The following LOC128462377 variants were observed in gnomAD, a reference collection of about 807,000 sequenced individuals.
chr16:89,356,791 A>G, the LOC128462377 span, among the ~76,000 whole-genome samples: 2 of 150,728 alleles, frequency 1.3e-5, no homozygotes, highest in African/African-American at 4.9e-5. Flanking sequence ...AAAAAAAAAA[A>G]AAAAGAAAAA....
chr16:89,353,459 G>A, the LOC128462377 span, among the ~76,000 whole-genome samples: 3 of 152,128 alleles, frequency 2.0e-5, no homozygotes, highest in African/African-American at 7.2e-5. Flanking sequence ...ACCAGTCCAA[G>A]GCAACTACAA....
the LOC128462377 span, among the ~76,000 whole-genome samples, chr16:89,318,842 G>C: frequency 1.3e-5 from 2 of 152,218 alleles, no homozygotes; most frequent in Non-Finnish European, 2.9e-5. Context: ...ACCTCCACCC[G>C]CGGTGCAGGT....
At chr16:89,333,523 C>T in the LOC128462377 span, among the ~76,000 whole-genome samples, 1 of 152,250 alleles carries the variant, frequency 6.6e-6, no homozygotes, top group Admixed American at 6.5e-5. Flanking sequence ...CACAACCCTC[C>T]GTCCCTCCCT....
the LOC128462377 span, chr16:89,323,390 G>A: frequency 8.0e-7 from 1 of 1,247,654 alleles, no homozygotes; most frequent in Non-Finnish European, 1.0e-6. Flanking sequence ...TGGGCAAGGG[G>A]AGAGCAAGCA....
the LOC128462377 span, among the ~76,000 whole-genome samples, chr16:89,352,446 T>G: frequency 6.6e-6 from 1 of 150,856 alleles, no homozygotes; most frequent in African/African-American, 2.4e-5. Flanking sequence ...GGAGGGCACT[T>G]GCTGATGCTG....
the LOC128462377 span, among the ~76,000 whole-genome samples, chr16:89,387,004 T>G: frequency 1.3e-5 from 2 of 150,716 alleles, no homozygotes; most frequent in Non-Finnish European, 2.9e-5. Context: ...ATCGACTGGG[T>G]GCTCTGGAGG....
the LOC128462377 span, among the ~76,000 whole-genome samples, chr16:89,344,564 G>A: frequency 1.3e-5 from 2 of 152,168 alleles, no homozygotes; most frequent in African/African-American, 4.8e-5. Context: ...TTGTCTGAAC[G>A]CTGCCTCAGC....
the LOC128462377 span, among the ~76,000 whole-genome samples, chr16:89,321,479 C>T: frequency 2.9e-5 from 2 of 69,914 alleles, no homozygotes; most frequent in Non-Finnish European, 5.4e-5. Context: ...ACTGTGGGGC[C>T]GGGTGGGGAG....
At chr16:89,339,111 G>A in the LOC128462377 span, among the ~76,000 whole-genome samples, 2 of 152,118 alleles carry the variant, frequency 1.3e-5, no homozygotes, top group Admixed American at 1.3e-4. Flanking sequence ...GCACCCCCAG[G>A]ATCCCTGTAA....
the LOC128462377 span, among the ~76,000 whole-genome samples, chr16:89,412,769 C>T: frequency 5.9e-5 from 9 of 152,088 alleles, no homozygotes; most frequent in Non-Finnish European, 1.0e-4. Flanking sequence ...AAAACACTGG[C>T]CCCATGAGAA....
chr16:89,364,072 A>C, the LOC128462377 span, among the ~76,000 whole-genome samples: 1 of 151,544 alleles, frequency 6.6e-6, no homozygotes, highest in Non-Finnish European at 1.5e-5. Flanking sequence ...TTTAAAACAC[A>C]CACACACACA....
chr16:89,384,093 G>A, the LOC128462377 span, among the ~76,000 whole-genome samples: 2 of 152,144 alleles, frequency 1.3e-5, no homozygotes, highest in Admixed American at 6.6e-5. Context: ...GGTGGCAGGC[G>A]CTTGTAATCC....
the LOC128462377 span, among the ~76,000 whole-genome samples, chr16:89,414,091 T>A: frequency 1.3e-5 from 2 of 152,214 alleles, no homozygotes; most frequent in Admixed American, 1.3e-4. Context: ...CTGCTCGGAC[T>A]GCGCACTCGG....
chr16:89,355,616 A>C, the LOC128462377 span, among the ~76,000 whole-genome samples: 3 of 152,208 alleles, frequency 2.0e-5, no homozygotes, highest in Admixed American at 2.0e-4. Context: ...GAAATGTCAC[A>C]GTATCGCCAG....
At chr16:89,337,554 A>G in the LOC128462377 span, among the ~76,000 whole-genome samples, 4 of 143,664 alleles carry the variant, frequency 2.8e-5, no homozygotes, top group African/African-American at 5.2e-5. Flanking sequence ...CTCCTGCCTC[A>G]ACCTCCCGAG....
At chr16:89,407,275 ACT>A in the LOC128462377 span, among the ~76,000 whole-genome samples, 8 of 152,080 alleles carry the variant, frequency 5.3e-5, no homozygotes, top group African/African-American at 9.7e-5. Context: ...ACAGAAAAAG[ACT>A]CATATTTTTA....
chr16:89,387,645 C>T, the LOC128462377 span, among the ~76,000 whole-genome samples: 1 of 146,306 alleles, frequency 6.8e-6, no homozygotes, highest in African/African-American at 2.6e-5. Flanking sequence ...TGCACTCTAG[C>T]CTGGGCGACA....
At chr16:89,412,366 T>C in the LOC128462377 span, 1 of 149,206 alleles carries the variant, frequency 6.7e-6, no homozygotes, top group Non-Finnish European at 1.5e-5. Flanking sequence ...CCTCCCAGAG[T>C]CTCCTGGCCG....
At chr16:89,355,322 C>T in the LOC128462377 span, among the ~76,000 whole-genome samples, 2 of 152,120 alleles carry the variant, frequency 1.3e-5, no homozygotes, top group African/African-American at 4.8e-5. Context: ...CACACAGACC[C>T]ACAAGGACCA....
Sources: gnomAD v4.1 joint callset for allele counts (sites outside exome capture counted in the v4.1 genomes callset) on GRCh38, gnomAD v4.1.1 for gene constraint, MANE v1.5 for transcripts.